The following MYH10 variants were observed in gnomAD, a reference collection of about 807,000 sequenced individuals.
MYH10 encodes myosin heavy chain 10.
Under a neutral mutation model 257.8 loss-of-function variants are expected in MYH10, and 55 were observed. The observed-to-expected ratio is 0.21, with a 90% CI of 0.17 to 0.27. The LOEUF is 0.27. Among genes scored for constraint, MYH10 ranks in the 10% least tolerant of loss-of-function variants. The probability of loss-of-function intolerance (pLI) is 1.00; values close to 1 mark genes in which losing one functional copy is unlikely to be tolerated. For synonymous variants in MYH10, 854 were observed against 921.7 expected, an observed-to-expected ratio of 0.93 and a Z score of 1.33; for missense variants, 1,631 against 2,500.6, an observed-to-expected ratio of 0.65 and a Z score of 7.42.
chr17:8,481,293 G>T (rs746927894), intron 38 of MYH10, 29 bp downstream of exon 38: 4 of 1,609,296 alleles, frequency 2.5e-6, no homozygotes, highest in Admixed American at 1.7e-5. Flanking sequence ...TGAGGGCGAA[G>T]AACCCACCCC....
intron 6 of MYH10, among the ~76,000 whole-genome samples, chr17:8,571,543 G>A (rs1431220062): frequency 3.3e-5 from 5 of 152,114 alleles, no homozygotes; most frequent in East Asian, 1.9e-4. Context: ...AAAACTTTGC[G>A]AGGCCAAGGC....
chr17:8,493,768 T>C lies in MYH10; in HGVS notation c.4174A>G (p.Asn1392Asp). Residue 1392 changes from asparagine (N) to aspartate (D), a missense_variant, in exon 32 of 43, where the codon AAC (asparagine) becomes GAC (aspartate). Asn to Asp is a conservative substitution (Grantham distance 23). Around this residue, in one of 11 missense-constraint regions of MYH10, gnomAD observed 463 missense variants for 621.8 expected, o/e 0.74. Transcript: ENST00000360416. The part of the protein sequence containing the change: ...QQEEEEEARK[N>D]LEKQVLALQS... ...AGGGCCAGCACTTGCTTCTCCAGGT[T>C]CTTCCTGGCCTCCTCCTCCTCCTCC... 1 of 1,614,040 alleles carries C rather than the reference T, an allele frequency of 6.2e-7. No homozygotes were observed. The highest frequency in any genetic ancestry group is 8.5e-7 in the Non-Finnish European group (1 of 1,179,964).
rs149737102 is a variant in MYH10 at position 8,518,616 on chromosome 17, T to C, written c.2504+15A>G. The C allele has an allele frequency of 1.3e-4, 205 of 1,607,402 alleles. 1 individual carries two copies. The African/African-American group carries it at 2.4e-3, about 19-fold the overall frequency. On this transcript the variant is annotated intron_variant, in intron 21 of 42. Coordinates refer to ENST00000360416, the MANE Select transcript of MYH10 (RefSeq NM_001256012.3). ...ACTTCCTCAGTGAACGATTAATTCG[T>C]GAATACCCACTCACTTTCTGGCCAG...
intron 1 of MYH10, among the ~76,000 whole-genome samples, chr17:8,629,871 C>T (rs543654253): frequency 1.3e-4 from 20 of 152,052 alleles, no homozygotes; most frequent in African/African-American, 4.8e-4. Context: ...GCAGGACGCC[C>T]TCCTCCCGCG....
At chr17:8,560,667 A>G (rs2082960716) in intron 7 of MYH10, 2 of 766,868 alleles carry the variant, frequency 2.6e-6, no homozygotes, top group African/African-American at 3.5e-5. Context: ...TATCTGCCAG[A>G]GTGCTGACTT....
chr17:8,530,216 A>C (rs1320963814), intron 17 of MYH10, among the ~76,000 whole-genome samples: 2 of 152,234 alleles, frequency 1.3e-5, no homozygotes, highest in Non-Finnish European at 2.9e-5. Context: ...CTCAGAGTTG[A>C]AAATTTAAAG....
chr17:8,530,813 G>C, intron 16 of MYH10, 128 bp from the exon 17 acceptor site: 1 of 628,794 alleles, frequency 1.6e-6, no homozygotes, highest in Non-Finnish European at 2.7e-6. Context: ...GTCCAAGGCA[G>C]ATCCCATGCA....
intron 7 of MYH10, among the ~76,000 whole-genome samples, chr17:8,555,119 G>GA (rs1217672669): frequency 6.6e-6 from 1 of 151,344 alleles, no homozygotes; most frequent in Non-Finnish European, 1.5e-5. Context: ...GAAAAAAAAA[G>GA]AAACAAGAAA....
At chr17:8,512,683 A>G (rs764456884) in intron 23 of MYH10, 26 bp from the exon 24 acceptor site, 1 of 1,593,844 alleles carries the variant, frequency 6.3e-7, no homozygotes, top group Non-Finnish European at 8.6e-7. Flanking sequence ...AGTGTCTGTG[A>G]TTTGCCCCTA....
chr17:8,505,385 T>C lies in MYH10; in HGVS notation c.3387-479A>G, dbSNP rs536438890. Among the ~76,000 whole-genome samples, 5 of 152,344 alleles carry C rather than the reference T, an allele frequency of 3.3e-5. No homozygotes were observed. In the East Asian group the frequency reaches 9.6e-4, roughly 29 times the overall value. On this transcript the variant is annotated intron_variant, in intron 27 of 42. Transcript: ENST00000360416. The stretch of plus-strand genomic sequence containing the variant: ...ATACCCTCCAGGTGCCTCTCTTCCA[T>C]AGGGCATCTTTTTGTTTATGTCTGT...
At chr17:8,516,192 C>T (rs759565242) in intron 21 of MYH10, among the ~76,000 whole-genome samples, 18 of 152,178 alleles carry the variant, frequency 1.2e-4, no homozygotes, top group Admixed American at 1.2e-3. Flanking sequence ...AACCTATCTC[C>T]GAGTGTTTGG....
At chr17:8,554,278 A>C (rs1274025693) in intron 7 of MYH10, 1 of 227,256 alleles carries the variant, frequency 4.4e-6, no homozygotes, top group East Asian at 9.9e-5. Flanking sequence ...GATCCCAGTC[A>C]TTCAGAAGTT....
chr17:8,530,441 CTG>C (rs1304374852), intron 17 of MYH10, among the ~76,000 whole-genome samples, 180 bp downstream of exon 17: 1 of 152,136 alleles, frequency 6.6e-6, no homozygotes, highest in Admixed American at 6.5e-5. Flanking sequence ...TATAATAAAA[CTG>C]AGCATGAAAT....
intron 6 of MYH10, among the ~76,000 whole-genome samples, chr17:8,571,216 C>A (rs2083328653): frequency 6.7e-6 from 1 of 149,500 alleles, no homozygotes; most frequent in Admixed American, 6.7e-5. Context: ...ACTCTGTCGC[C>A]CAGGCTGGAG....
intron 7 of MYH10, chr17:8,554,246 T>G: frequency 3.6e-6 from 1 of 274,986 alleles, no homozygotes. Context: ...AATTAGAAAT[T>G]ATTAATAAAA....
chr17:8,581,014 T>C (rs939825545), intron 4 of MYH10, among the ~76,000 whole-genome samples: 2 of 152,002 alleles, frequency 1.3e-5, no homozygotes, highest in Non-Finnish European at 2.9e-5. Context: ...AGCTGGGGAA[T>C]GTGTTCAGGA....
intron 4 of MYH10, among the ~76,000 whole-genome samples, chr17:8,578,434 G>C (rs1225503312): frequency 6.6e-6 from 1 of 151,966 alleles, no homozygotes; most frequent in Non-Finnish European, 1.5e-5. Flanking sequence ...AGTAGAGACA[G>C]GGTCTAGCCA....
At chr17:8,483,552 T>C (rs1342820190) in intron 37 of MYH10, among the ~76,000 whole-genome samples, 1 of 152,244 alleles carries the variant, frequency 6.6e-6, no homozygotes, top group Non-Finnish European at 1.5e-5. Context: ...GATAATAACA[T>C]TTAACTTACC....
At position 8,500,923 on chromosome 17, in the gene MYH10, T is replaced by G. The variant is rs756915293; in HGVS notation, c.3647A>C (p.Glu1216Ala). Reference sequence around the variant, plus strand: ...TTGAGCTTCATGGTTCTTAGTTTCCTCCTCAAGAGCTTTCTTCAGCTCTGC... The same window carrying G: ...TTGAGCTTCATGGTTCTTAGTTTCCGCCTCAAGAGCTTTCTTCAGCTCTGC... ...EVAELKKALE[E>A]ETKNHEAQIQ... Residue 1216 changes from glutamate (E) to alanine (A), a missense_variant, in exon 29 of 43, where the codon GAG becomes GCG. Physicochemically the swap from Glu to Ala is moderately radical, Grantham distance 107 (BLOSUM62 -1). Transcript: ENST00000360416. 1 of 1,614,188 alleles carries G rather than the reference T, an allele frequency of 6.2e-7. No homozygotes were observed. The highest frequency in any genetic ancestry group is 1.3e-5 in the African/African-American group (1 of 75,048).
Sources: allele counts gnomAD v4.1 joint callset (sites outside exome capture counted in the v4.1 genomes callset), GRCh38; gene constraint gnomAD v4.1.1; regional missense constraint gnomAD v4.1.1; transcripts MANE v1.5; gene names NCBI Gene and HGNC (gene_info 2026-07-23, HGNC 2026-07-21).